The following ARFGEF1 variants were observed in gnomAD, a reference collection of about 807,000 sequenced individuals.
ARFGEF1 encodes ARF guanine nucleotide exchange factor 1.
A neutral mutation model predicts 231.0 loss-of-function variants in ARFGEF1; 42 were observed. The ratio of observed to expected loss-of-function variants is 0.18; its 90% confidence interval spans 0.14 to 0.24. The LOEUF is 0.24. ARFGEF1 is among the 10% of genes least tolerant of loss of function. The probability of loss-of-function intolerance (pLI) is 1.00; values close to 1 mark genes in which losing one functional copy is unlikely to be tolerated. For missense variants in ARFGEF1, 1,345 were observed against 2,192.0 expected, an observed-to-expected ratio of 0.61 and a Z score of 7.72; for synonymous variants, 710 against 732.3, an observed-to-expected ratio of 0.97 and a Z score of 0.49.
chr8:67,211,601 C>T lies in ARFGEF1; in HGVS notation c.4701G>A (p.Gln1567=). ...VSEKPLDTIS[Q]KSVDIHDSIQ... is the part of the protein sequence containing the mutation. ...TAGAATCATGAATATCTACAGACTT[C>T]TGTGATATTGTATCCTAATAAATAA... The change falls in exon 34 of 39, where the codon CAG becomes CAA. Residue 1567 remains glutamine (Q), a synonymous_variant. Coordinates refer to ENST00000262215, the MANE Select transcript of ARFGEF1 (RefSeq NM_006421.5). The T allele has an allele frequency of 6.7e-7, 1 of 1,497,524 alleles. No individual in the cohort carries two copies. The highest frequency in any genetic ancestry group is 2.2e-5 in the Admixed American group (1 of 46,356). The allele number at this position is 1,497,524 out of a possible 1,614,324, so 92.8% of individuals were successfully genotyped here.
chr8:67,272,860 C>A (rs1481972673), intron 9 of ARFGEF1, among the ~76,000 whole-genome samples: 1 of 152,114 alleles, frequency 6.6e-6, no homozygotes, highest in Non-Finnish European at 1.5e-5. Context: ...GTAATCCCAG[C>A]ACTTTGAGAG....
At chr8:67,276,213 C>T (rs1805306779) in intron 8 of ARFGEF1, 104 bp from the exon 9 acceptor site, 2 of 1,301,110 alleles carry the variant, frequency 1.5e-6, no homozygotes, top group South Asian at 1.4e-5. Flanking sequence ...GGTGGAGATT[C>T]CCCCACTGTT....
At chr8:67,249,855 G>A (rs767011189) in intron 19 of ARFGEF1, among the ~76,000 whole-genome samples, 13 of 152,076 alleles carry the variant, frequency 8.5e-5, no homozygotes, top group Non-Finnish European at 1.6e-4. Context: ...CTCCTGACCT[G>A]AAGCAATCCA....
intron 5 of ARFGEF1, among the ~76,000 whole-genome samples, chr8:67,185,946 G>T (rs557428862): frequency 6.6e-6 from 1 of 152,138 alleles, no homozygotes; most frequent in Non-Finnish European, 1.5e-5. Context: ...ACCTAGTTCT[G>T]TAGGTCCTTT....
intron 32 of ARFGEF1, among the ~76,000 whole-genome samples, chr8:67,217,107 C>A (rs1838964865): frequency 6.6e-6 from 1 of 151,726 alleles, no homozygotes; most frequent in Admixed American, 6.6e-5. Context: ...GAGTTTGAGA[C>A]CAGCCTGACC....
At chr8:67,295,823 C>G (rs76911636) in intron 5 of ARFGEF1, among the ~76,000 whole-genome samples, 2,464 of 152,170 alleles carry the variant, frequency 0.016, 68 homozygotes, top group African/African-American at 0.057. Context: ...ATTAAGGGAA[C>G]CAGGGTGAAG....
Position 67,211,368 on chromosome 8 carries a change from A to AAAG in ARFGEF1, c.4819+114_4819+115insCTT, listed in dbSNP as rs1176673836. 158 of 597,084 alleles carry AAAG rather than the reference A, an allele frequency of 2.6e-4. 1 individual carries two copies. In the African/African-American group the frequency reaches 3.0e-3, roughly 11 times the overall value. 37.0% of individuals were successfully genotyped at this position (597,084 alleles called of 1,614,324 possible). ...CTCAAAAAAAAAAAAAAAAAAAAGAAGTGATGACACAATCAATTATAGTAT... is the reference window on the plus strand; with the variant it reads ...CTCAAAAAAAAAAAAAAAAAAAAGAAAAGGTGATGACACAATCAATTATAGTAT... On this transcript the variant is annotated intron_variant, in intron 34 of 38. Coordinates refer to ENST00000262215, the MANE Select transcript of ARFGEF1 (RefSeq NM_006421.5).
chr8:67,222,478 A>G (rs1839231339), intron 29 of ARFGEF1, among the ~76,000 whole-genome samples: 2 of 151,590 alleles, frequency 1.3e-5, no homozygotes, highest in African/African-American at 4.9e-5. Flanking sequence ...TTTGAGACAG[A>G]GTCTCACTCT....
At chr8:67,304,467 A>G (rs1015226836) in intron 1 of ARFGEF1, among the ~76,000 whole-genome samples, 1 of 152,252 alleles carries the variant, frequency 6.6e-6, no homozygotes, top group Non-Finnish European at 1.5e-5. Flanking sequence ...TAAGATCTGT[A>G]TATCAGTTAC....
chr8:67,313,967 A>G (rs923435999), intron 1 of ARFGEF1, among the ~76,000 whole-genome samples: 4 of 152,012 alleles, frequency 2.6e-5, no homozygotes, highest in Non-Finnish European at 5.9e-5. Flanking sequence ...CAGGAGTGAG[A>G]TTCCCAGGTC....
chr8:67,276,045 G>C lies in ARFGEF1; in HGVS notation c.1268C>G (p.Ala423Gly), dbSNP rs769097390. ...AKFSHILQKD[A>G]FLVFRSLCKL... ...ACACAATGACCTGAATACTAGAAAG[G>C]CATCCTTTTGTAAAATGTGGGAAAA... Residue 423 changes from alanine to glycine, a missense_variant, in exon 9 of 39, where the codon GCC becomes GGC. Around this residue, in one of 14 missense-constraint regions of ARFGEF1, gnomAD observed 141 missense variants for 259.9 expected, o/e 0.54. Transcript: ENST00000262215. 27 of 1,613,426 alleles carry C rather than the reference G, an allele frequency of 1.7e-5. No individual in the cohort carries two copies. The East Asian group carries it at 2.5e-4, about 15-fold the overall frequency.
In ARFGEF1 at chr8:67,211,575, A is replaced by C; in HGVS notation, c.4727T>G (p.Ile1576Ser). 6.4e-7 allele frequency: 1 copy of C among 1,560,444 alleles called. No homozygotes were observed. ...TCTGTTATCCACAGACCTTGGTTGA[A>C]TAGAATCATGAATATCTACAGACTT... is the stretch of plus-strand genomic sequence containing the variant. ...SQKSVDIHDS[I>S]QPRSVDNRPQ... Residue 1576 changes from isoleucine to serine, a missense_variant, in exon 34 of 39, where the codon ATT becomes AGT. Physicochemically the swap from Ile to Ser is moderately radical, Grantham distance 142 (BLOSUM62 -2). Transcript: ENST00000262215.
Position 67,271,952 on chromosome 8 carries a change from GA to G in ARFGEF1, c.1338-17del. 1 of 1,538,198 alleles carries G rather than the reference GA, an allele frequency of 6.5e-7. No individual in the cohort carries two copies. The highest frequency in any genetic ancestry group is 8.9e-7 in the Non-Finnish European group (1 of 1,121,252). On this transcript the variant is annotated splice_polypyrimidine_tract_variant and intron_variant, in intron 9 of 38. Transcript: ENST00000262215. The stretch of plus-strand genomic sequence containing the variant: ...TTCATGAGACCTAAAATGTAAAAAA[GA>G]AGGCATAGTATATGAACAAGGTTGG...
At chr8:67,252,249 T>C (rs1840310197) in intron 18 of ARFGEF1, among the ~76,000 whole-genome samples, 1 of 134,908 alleles carries the variant, frequency 7.4e-6, no homozygotes, top group South Asian at 2.3e-4. Context: ...GATCGCACCA[T>C]TGCACTCCAG....
Position 67,267,557 on chromosome 8 carries a change from T to C in ARFGEF1, c.1573-115A>G, listed in dbSNP as rs111572637. ...TATTAGGACCCAGGCTCTTATGGAGTTCAACTCCTTTTGAGTTCCATCTCT... is the reference window on the plus strand; with the variant it reads ...TATTAGGACCCAGGCTCTTATGGAGCTCAACTCCTTTTGAGTTCCATCTCT... On this transcript the variant is annotated intron_variant, in intron 10 of 38. Transcript: ENST00000262215. The C allele has an allele frequency of 2.2e-4, 140 of 627,040 alleles. 1 individual carries two copies. Among genetic ancestry groups the C allele is most frequent in the African/African-American group, 2.0e-3 (108 of 53,782 alleles). The allele number at this position is 627,040 out of a possible 1,614,324, so 38.8% of individuals were successfully genotyped here.
intron 30 of ARFGEF1, 69 bp from the exon 31 acceptor site, chr8:67,218,207 A>AATATATATATAG (rs1839017762): frequency 1.1e-5 from 1 of 90,852 alleles, no homozygotes; most frequent in African/African-American, 6.9e-5. Context: ...AAAAAAAAAA[A>AATATATATATAG]ATATATATAT....
chr8:67,311,163 G>A (rs1446868368), intron 1 of ARFGEF1, among the ~76,000 whole-genome samples: 9 of 147,880 alleles, frequency 6.1e-5, no homozygotes, highest in African/African-American at 1.8e-4. Context: ...GGTGAGGGGC[G>A]CCTCTGCCCG....
chr8:67,296,372 C>T (rs1171860309), intron 5 of ARFGEF1, 59 bp downstream of exon 5: 1 of 1,481,328 alleles, frequency 6.8e-7, no homozygotes, highest in East Asian at 2.3e-5. Flanking sequence ...CTGTAAACTC[C>T]TTTCTATGTT....
At chr8:67,279,172 G>A (rs187742413) in intron 7 of ARFGEF1, among the ~76,000 whole-genome samples, 5 of 152,120 alleles carry the variant, frequency 3.3e-5, no homozygotes, top group Non-Finnish European at 7.4e-5. Flanking sequence ...AACTAACAAT[G>A]ATTATTAGAA....
Sources: allele counts gnomAD v4.1 joint callset (sites outside exome capture counted in the v4.1 genomes callset), GRCh38; gene constraint gnomAD v4.1.1; regional missense constraint gnomAD v4.1.1; transcripts MANE v1.5; gene names NCBI Gene and HGNC (gene_info 2026-07-23, HGNC 2026-07-21).